The following PTPRG variants were observed in gnomAD, a reference collection of about 807,000 sequenced individuals.
The protein encoded by PTPRG is receptor-type tyrosine-protein phosphatase gamma.
Under a neutral mutation model 165.3 loss-of-function variants are expected in PTPRG, and 102 were observed. The ratio of observed to expected loss-of-function variants is 0.62; its 90% CI spans 0.53 to 0.73. PTPRG has a LOEUF of 0.73. Ranked by LOEUF, PTPRG falls within the 30% of genes least tolerant of loss-of-function variation. The pLI is 0.00. For missense variants in PTPRG, 1,866 were observed against 1,861.4 expected (o/e 1.00, Z -0.05); for synonymous variants, 675 against 669.5 (o/e 1.01, Z -0.13).
intron 2 of PTPRG, among the ~76,000 whole-genome samples, chr3:61,959,134 C>T (rs1221721658): frequency 1.3e-5 from 2 of 152,204 alleles, no homozygotes; most frequent in Non-Finnish European, 2.9e-5. Context: ...ATGCTGCTCC[C>T]TCCGGTCCCT....
chr3:61,614,615 C>T (rs1309998278), intron 1 of PTPRG, among the ~76,000 whole-genome samples: 1 of 151,948 alleles, frequency 6.6e-6, no homozygotes, highest in Non-Finnish European at 1.5e-5. Context: ...TTTTAGCATG[C>T]TGCTCAGGCT....
chr3:61,928,672 AT>A (rs1038296146), intron 2 of PTPRG, among the ~76,000 whole-genome samples: 3 of 151,280 alleles, frequency 2.0e-5, no homozygotes, highest in Non-Finnish European at 4.4e-5. Flanking sequence ...CACTGGTTTG[AT>A]TTTTTTTTCA....
chr3:61,871,102 C>T (rs1482371932), intron 2 of PTPRG, among the ~76,000 whole-genome samples: 1 of 148,570 alleles, frequency 6.7e-6, no homozygotes, highest in Non-Finnish European at 1.5e-5. Flanking sequence ...ATTTTCCCTA[C>T]ATTCCCTGTT....
chr3:62,255,197 G>A lies in PTPRG; in HGVS notation c.2541G>A (p.Gly847=). The A allele has an allele frequency of 6.2e-7, 1 of 1,612,076 alleles. No individual in the cohort carries two copies. The highest frequency in any genetic ancestry group is 8.5e-7 in the Non-Finnish European group (1 of 1,178,958). Residue 847 remains glycine, a synonymous_variant, in exon 16 of 30, where the codon GGG becomes GGA. Coordinates refer to ENST00000474889, the MANE Select transcript of PTPRG (RefSeq NM_002841.4). The surrounding 1 kb of genome is among the most constrained non-coding windows in gnomAD (Gnocchi z 4.0). ...IGELYSNNQH[G]FSEDFEEVQR... Reference sequence around the variant, plus strand: ...AGCTCTATTCTAATAACCAGCATGGGTTCTCTGAGGATTTTGAGGTATGTT... The same window carrying A: ...AGCTCTATTCTAATAACCAGCATGGATTCTCTGAGGATTTTGAGGTATGTT...
intron 6 of PTPRG, among the ~76,000 whole-genome samples, chr3:62,136,955 C>A (rs1703731126): frequency 6.6e-6 from 1 of 152,142 alleles, no homozygotes; most frequent in African/African-American, 2.4e-5. Flanking sequence ...CTAGAAACCT[C>A]TTGACCACAT....
At chr3:61,936,685 G>A (rs532345766) in intron 2 of PTPRG, among the ~76,000 whole-genome samples, 4 of 152,234 alleles carry the variant, frequency 2.6e-5, no homozygotes, top group East Asian at 3.9e-4. Flanking sequence ...GGGGATCATC[G>A]CTTTTTAGTT....
chr3:61,722,407 T>A (rs1458722684), intron 1 of PTPRG, among the ~76,000 whole-genome samples: 2 of 152,204 alleles, frequency 1.3e-5, no homozygotes, highest in Non-Finnish European at 2.9e-5. Flanking sequence ...CTTTGGGGGA[T>A]ACATTCAAAT....
intron 6 of PTPRG, among the ~76,000 whole-genome samples, chr3:62,138,466 G>A (rs1286586907): frequency 1.3e-5 from 2 of 152,040 alleles, no homozygotes; most frequent in African/African-American, 2.4e-5. Flanking sequence ...TGCCTATAAT[G>A]TCAGCACTTT....
intron 3 of PTPRG, among the ~76,000 whole-genome samples, chr3:61,998,960 C>G (rs2041106217): frequency 6.6e-6 from 1 of 152,200 alleles, no homozygotes; most frequent in Admixed American, 6.5e-5. Flanking sequence ...CCAGCAGATT[C>G]AGTATCTGGT....
At chr3:61,898,783 G>A (rs2038427076) in intron 2 of PTPRG, among the ~76,000 whole-genome samples, 1 of 152,172 alleles carries the variant, frequency 6.6e-6, no homozygotes, top group Admixed American at 6.5e-5. Context: ...AGCCAAAAGA[G>A]GAATTCAAAA....
chr3:61,660,764 G>A (rs1702635204), intron 1 of PTPRG, among the ~76,000 whole-genome samples: 1 of 152,166 alleles, frequency 6.6e-6, no homozygotes, highest in South Asian at 2.1e-4. Flanking sequence ...CACTTTGGGA[G>A]ACTAAGGTGG....
At chr3:61,605,407 C>T (rs1002391352) in intron 1 of PTPRG, among the ~76,000 whole-genome samples, 2 of 151,790 alleles carry the variant, frequency 1.3e-5, no homozygotes, top group Non-Finnish European at 2.9e-5. Context: ...AGGTGCACAC[C>T]ACCACACCCA....
At chr3:62,119,923 C>T (rs1703003656) in intron 5 of PTPRG, among the ~76,000 whole-genome samples, 2 of 151,698 alleles carry the variant, frequency 1.3e-5, no homozygotes, top group Non-Finnish European at 2.9e-5. Context: ...CGTGAGCCAC[C>T]GTGCCCGGCC....
intron 5 of PTPRG, among the ~76,000 whole-genome samples, chr3:62,082,333 G>A (rs1417594682): frequency 1.3e-5 from 2 of 152,084 alleles, no homozygotes; most frequent in Non-Finnish European, 2.9e-5. Context: ...CCCCCCAAAA[G>A]CACCAAAATA....
chr3:61,647,699 G>A (rs1440036287), intron 1 of PTPRG, among the ~76,000 whole-genome samples: 6 of 149,564 alleles, frequency 4.0e-5, no homozygotes, highest in African/African-American at 1.5e-4. Context: ...GGCTGAGGCA[G>A]AAGAATGGTG....
chr3:61,861,483 C>T (rs926863209), intron 2 of PTPRG, among the ~76,000 whole-genome samples: 3 of 152,176 alleles, frequency 2.0e-5, no homozygotes, highest in Non-Finnish European at 4.4e-5. Flanking sequence ...AGAGTCCTGT[C>T]CTTTGTCTTC....
chr3:61,915,931 G>C (rs1033195185), intron 2 of PTPRG, among the ~76,000 whole-genome samples: 1 of 152,212 alleles, frequency 6.6e-6, no homozygotes, highest in Non-Finnish European at 1.5e-5. Context: ...ACAAATAATT[G>C]CAGCCCATTC....
chr3:61,665,562 T>TG (rs1180855561), intron 1 of PTPRG, among the ~76,000 whole-genome samples: 1 of 151,902 alleles, frequency 6.6e-6, no homozygotes, highest in African/African-American at 2.4e-5. Flanking sequence ...AAAGGGTTCA[T>TG]GCTTGTAATT....
chr3:61,696,633 G>T (rs1031437572), intron 1 of PTPRG, among the ~76,000 whole-genome samples: 1 of 152,172 alleles, frequency 6.6e-6, no homozygotes, highest in Non-Finnish European at 1.5e-5. Context: ...ATTCATACTG[G>T]CTGGGTACTT....
Sources: gnomAD v4.1 joint callset for allele counts (sites outside exome capture counted in the v4.1 genomes callset) on GRCh38, gnomAD v4.1.1 for gene constraint, Gnocchi (gnomAD v3.1) non-coding constraint, MANE v1.5 for transcripts, NCBI Gene and HGNC (gene_info 2026-07-23, HGNC 2026-07-21) for gene names.